SQOR: variants seen among roughly 807,000 people sequenced by gnomAD.
The protein encoded by SQOR is sulfide quinone oxidoreductase, also known as sulfide:quinone oxidoreductase, mitochondrial.
SQOR carries 39 observed loss-of-function variants against 48.6 expected under a neutral mutation model. The observed-to-expected ratio is 0.80, with a 90% confidence interval of 0.62 to 1.05. The LOEUF is 1.05. Ranked by LOEUF, SQOR falls within the 50% of genes least tolerant of loss-of-function variation. The pLI is 0.00. For synonymous variants in SQOR, 220 were observed against 206.2 expected (o/e 1.07, Z -0.57); for missense variants, 561 against 559.9 (o/e 1.00, Z -0.02).
intron 4 of SQOR, among the ~76,000 whole-genome samples, chr15:45,673,262 G>T (rs78172201): frequency 6.6e-6 from 1 of 152,214 alleles, no homozygotes; most frequent in Non-Finnish European, 1.5e-5. Context: ...TCTTGGTCCT[G>T]CCAGTTGTTC....
At position 45,659,293 on chromosome 15, in the gene SQOR, G is replaced by A. The variant is rs145863752; in HGVS notation, c.234+136G>A. On this transcript the variant is annotated intron_variant, in intron 2 of 9. Transcript: ENST00000260324. ...TATGTTCAGGTTAGGGCTTCTCCTG[G>A]GCACAGAAAGCAGCCTATCCAGAAG... is the stretch of plus-strand genomic sequence containing the variant. 638 of 619,540 alleles carry A rather than the reference G, an allele frequency of 1.0e-3. 12 individuals carry two copies. The East Asian group carries it at 0.02, about 19-fold the overall frequency. 38.4% of individuals were successfully genotyped at this position (619,540 alleles called of 1,614,324 possible).
intron 1 of SQOR, among the ~76,000 whole-genome samples, chr15:45,637,419 C>G (rs892056250): frequency 7.9e-5 from 12 of 152,164 alleles, no homozygotes; most frequent in Non-Finnish European, 1.6e-4. Flanking sequence ...TGTATCCCTC[C>G]CAAGCTTATG....
intron 6 of SQOR, among the ~76,000 whole-genome samples, 182 bp from the exon 7 acceptor site, chr15:45,682,296 A>G (rs1890137394): frequency 6.6e-6 from 1 of 152,372 alleles, no homozygotes; most frequent in Admixed American, 6.5e-5. Context: ...TATTTAGCTT[A>G]TCACCATTCC....
Position 45,691,105 on chromosome 15 carries a change from C to T in SQOR, c.*75C>T, listed in dbSNP as rs777119404. 5.6e-5 allele frequency: 73 copies of T among 1,312,134 alleles called. No individual in the cohort carries two copies. Among genetic ancestry groups the T allele is most frequent in the Middle Eastern group, 1.8e-4 (1 of 5,486 alleles). The allele number at this position is 1,312,134 out of a possible 1,614,324, so 81.3% of individuals were successfully genotyped here. A position where few individuals can be genotyped will look rare whatever the true frequency, so the allele number is the denominator to read the frequency against. ...AGTCACTGAATGACCAAGAGCAGCA[C>T]GAAGGACTTGGAACCTATCCTTGTA... is the stretch of plus-strand genomic sequence containing the variant. On this transcript the variant is annotated 3_prime_UTR_variant, in exon 10 of 10. Transcript: ENST00000260324.
upstream of SQOR, among the ~76,000 whole-genome samples, chr15:45,633,233 AT>A (rs764604725): frequency 1.3e-5 from 2 of 152,092 alleles, no homozygotes; most frequent in Admixed American, 6.5e-5. Context: ...GCAAAAAACC[AT>A]TTTTTTGGTA....
At chr15:45,670,411 G>A (rs1395616947) in intron 4 of SQOR, among the ~76,000 whole-genome samples, 1 of 152,174 alleles carries the variant, frequency 6.6e-6, no homozygotes, top group Non-Finnish European at 1.5e-5. Context: ...AGGGACATCT[G>A]GGTTTTGTTG....
chr15:45,649,859 T>G (rs973014236), intron 1 of SQOR, among the ~76,000 whole-genome samples: 77 of 151,902 alleles, frequency 5.1e-4, no homozygotes, highest in African/African-American at 1.8e-3. Context: ...GTTGTTGTTT[T>G]TGTGTGTGTT....
At chr15:45,637,065 A>G (rs1031570991) in intron 1 of SQOR, among the ~76,000 whole-genome samples, 2 of 151,130 alleles carry the variant, frequency 1.3e-5, no homozygotes, top group African/African-American at 4.9e-5. Flanking sequence ...GCTCACTGCA[A>G]CCTCCTCGCA....
chr15:45,634,198 CTATATATATATA>C (rs60889862), upstream of SQOR, among the ~76,000 whole-genome samples: 21 of 43,860 alleles, frequency 4.8e-4, 2 homozygotes, highest in East Asian at 2.5e-3. Flanking sequence ...ACAACAACAA[CTATATATATATA>C]TATATATATA....
chr15:45,675,193 T>C (rs1890014740), intron 5 of SQOR, among the ~76,000 whole-genome samples: 2 of 152,174 alleles, frequency 1.3e-5, no homozygotes, highest in Admixed American at 1.3e-4. Context: ...CAGCTGTTTC[T>C]TCCGTCCTGG....
chr15:45,684,902 T>G (rs540016012), intron 7 of SQOR, among the ~76,000 whole-genome samples: 1 of 152,190 alleles, frequency 6.6e-6, no homozygotes, highest in Admixed American at 6.5e-5. Flanking sequence ...CCCCCAACCA[T>G]GGAGGGAGCA....
chr15:45,650,833 C>T (rs1254666035), intron 1 of SQOR, among the ~76,000 whole-genome samples: 1 of 152,206 alleles, frequency 6.6e-6, no homozygotes, highest in Non-Finnish European at 1.5e-5. Flanking sequence ...CATAAAGGTT[C>T]TCCAAGTCCC....
At chr15:45,670,752 G>C (rs999762370) in intron 4 of SQOR, among the ~76,000 whole-genome samples, 2 of 152,198 alleles carry the variant, frequency 1.3e-5, no homozygotes, top group African/African-American at 4.8e-5. Flanking sequence ...ATGTCCAGGG[G>C]AAGGGTAGTG....
At chr15:45,656,104 C>G (rs12916762) in intron 1 of SQOR, among the ~76,000 whole-genome samples, 87,777 of 151,556 alleles carry the variant, frequency 0.58, 25,626 homozygotes, top group Admixed American at 0.69. Context: ...TAGAGGCTCT[C>G]ACACCAAAAT....
intron 4 of SQOR, 69 bp downstream of exon 4, chr15:45,670,050 G>T: frequency 7.1e-7 from 1 of 1,415,860 alleles, no homozygotes; most frequent in Non-Finnish European, 9.9e-7. Flanking sequence ...GCATTTAGTT[G>T]CTTTATTATA....
At chr15:45,677,042 A>AC (rs1316134606) in intron 6 of SQOR, among the ~76,000 whole-genome samples, 1 of 150,706 alleles carries the variant, frequency 6.6e-6, no homozygotes, top group East Asian at 1.9e-4. Context: ...CTCCGTCTAA[A>AC]AAAAAAAAAA....
At chr15:45,678,100 T>C (rs1009391513) in intron 6 of SQOR, among the ~76,000 whole-genome samples, 9 of 152,168 alleles carry the variant, frequency 5.9e-5, no homozygotes, top group Admixed American at 3.9e-4. Flanking sequence ...CTGCCCTTCA[T>C]TGGTGATGTT....
chr15:45,660,420 A>G (rs1187346834), intron 2 of SQOR, among the ~76,000 whole-genome samples: 2 of 152,138 alleles, frequency 1.3e-5, no homozygotes, highest in East Asian at 1.9e-4. Context: ...TCAGGTGGCT[A>G]CTGTTTCTGG....
intron 9 of SQOR, 35 bp downstream of exon 9, chr15:45,689,252 G>A (rs1890279058): frequency 6.2e-7 from 1 of 1,606,800 alleles, no homozygotes; most frequent in Non-Finnish European, 8.5e-7. Flanking sequence ...ATGAGGAAAG[G>A]GATTTGTAGC....
Sources: allele counts gnomAD v4.1 joint callset (sites outside exome capture counted in the v4.1 genomes callset), GRCh38; gene constraint gnomAD v4.1.1; transcripts MANE v1.5; gene names NCBI Gene and HGNC (gene_info 2026-07-23, HGNC 2026-07-21).